The following GGNBP2 variants were observed in gnomAD, a reference collection of about 807,000 sequenced individuals.
GGNBP2 encodes gametogenetin-binding protein 2.
Under a neutral mutation model 85.9 loss-of-function variants are expected in GGNBP2, and 10 were observed. The ratio of observed to expected loss-of-function variants is 0.12; its 90% CI spans 0.07 to 0.20. The LOEUF is 0.20. GGNBP2 is among the 10% of genes least tolerant of loss of function. The pLI is 1.00. For synonymous variants in GGNBP2, 287 were observed against 285.7 expected, an observed-to-expected ratio of 1.00 and a Z score of -0.05; for missense variants, 595 against 857.8, an observed-to-expected ratio of 0.69 and a Z score of 3.83.
intron 4 of GGNBP2, among the ~76,000 whole-genome samples, chr17:36,558,294 A>T (rs1159216350): frequency 2.1e-5 from 3 of 143,980 alleles, no homozygotes; most frequent in Admixed American, 2.1e-4. Context: ...GGGTCCCTGT[A>T]ATCCCAGCTA....
At chr17:36,565,725 G>A (rs565025702) in intron 5 of GGNBP2, among the ~76,000 whole-genome samples, 12 of 152,144 alleles carry the variant, frequency 7.9e-5, no homozygotes, top group East Asian at 7.7e-4. Context: ...GCGAAACCCC[G>A]TCTCTACTAA....
At chr17:36,552,926 G>A (rs2074324428) in intron 2 of GGNBP2, among the ~76,000 whole-genome samples, 1 of 150,842 alleles carries the variant, frequency 6.6e-6, no homozygotes, top group Non-Finnish European at 1.5e-5. Flanking sequence ...GGAGGCTGAG[G>A]CAGGAGAATT....
At position 36,579,329 on chromosome 17, in the gene GGNBP2, G is replaced by A. The variant is rs757446298; in HGVS notation, c.930G>A (p.Leu310=). 13 of 1,614,146 alleles carry A rather than the reference G, an allele frequency of 8.1e-6. No homozygotes were observed. Among genetic ancestry groups the A allele is most frequent in the Admixed American group, 6.7e-5 (4 of 60,028 alleles). ...TGGGAATTCATCTTTATGAAAGACT[G>A]CATCGAATCTGGCAGAAGCTACGGG... ...TCLGIHLYER[L]HRIWQKLRAE... is the part of the protein sequence containing the mutation. The change falls in exon 8 of 14, where the codon CTG becomes CTA. Residue 310 remains leucine, a synonymous_variant. Coordinates refer to ENST00000613102, the MANE Select transcript of GGNBP2 (RefSeq NM_024835.5).
At chr17:36,558,448 A>G (rs924582366) in intron 4 of GGNBP2, among the ~76,000 whole-genome samples, 7 of 147,132 alleles carry the variant, frequency 4.8e-5, no homozygotes, top group African/African-American at 1.5e-4. Context: ...AGGTAATAAA[A>G]GGTCCAGTCA....
intron 8 of GGNBP2, among the ~76,000 whole-genome samples, chr17:36,580,452 G>A (rs575661924): frequency 4.6e-5 from 7 of 151,556 alleles, no homozygotes; most frequent in African/African-American, 1.4e-4. Flanking sequence ...CTCGTGATCC[G>A]CTGCCTGCCT....
chr17:36,563,127 G>T (rs919307875), intron 5 of GGNBP2, among the ~76,000 whole-genome samples: 3 of 151,610 alleles, frequency 2.0e-5, no homozygotes, highest in Non-Finnish European at 4.4e-5. Flanking sequence ...TTAGCCAGGC[G>T]TGGTGGCAGG....
intron 5 of GGNBP2, among the ~76,000 whole-genome samples, chr17:36,566,516 A>T (rs569026613): frequency 6.6e-6 from 1 of 151,954 alleles, no homozygotes; most frequent in East Asian, 1.9e-4. Context: ...AATACAAAAA[A>T]TAAAAAAATA....
rs2074243835 is a variant in GGNBP2 at position 36,545,600 on chromosome 17, C to T, written c.-106-19C>T. 1.4e-6 allele frequency: 1 copy of T among 699,750 alleles called. No individual in the cohort carries two copies. The highest frequency in any genetic ancestry group is 1.7e-5 in the South Asian group (1 of 57,396). The allele number at this position is 699,750 out of a possible 1,614,324, so 43.3% of individuals were successfully genotyped here. A position where few individuals can be genotyped will look rare whatever the true frequency, so the allele number is the denominator to read the frequency against. ...GCGCAGCGGCGGGTGCTTACGCTCG[C>T]GGGGTTTGGCTGTTGCAGGCAGGAG... On this transcript the variant is annotated intron_variant, in intron 1 of 13. Transcript: ENST00000613102.
chr17:36,584,484 C>T (rs1162393573), intron 9 of GGNBP2, among the ~76,000 whole-genome samples: 6 of 152,164 alleles, frequency 3.9e-5, no homozygotes, highest in African/African-American at 1.4e-4. Flanking sequence ...ATTACATGCG[C>T]CTGCCACCTT....
chr17:36,583,685 A>ACT (rs1439544941), intron 9 of GGNBP2, among the ~76,000 whole-genome samples: 1 of 150,456 alleles, frequency 6.6e-6, no homozygotes, highest in African/African-American at 2.4e-5. Context: ...CTGGTCTCGA[A>ACT]CTCCTGAGCT....
intron 2 of GGNBP2, among the ~76,000 whole-genome samples, chr17:36,550,153 G>T (rs573370509): frequency 9.9e-5 from 15 of 152,216 alleles, no homozygotes; most frequent in Admixed American, 5.2e-4. Context: ...GGCCAGGCTG[G>T]TCTCGAACTC....
chr17:36,556,952 C>G, intron 3 of GGNBP2, 131 bp from the exon 4 acceptor site: 1 of 993,736 alleles, frequency 1.0e-6, no homozygotes, highest in African/African-American at 1.6e-5. Context: ...CTTTCTGACT[C>G]AGTTGCAGGT....
chr17:36,546,140 C>T (rs1166908334), intron 2 of GGNBP2: 1 of 421,068 alleles, frequency 2.4e-6, no homozygotes, highest in African/African-American at 2.0e-5. Flanking sequence ...GGATCTTGGG[C>T]GTTTAGGGCC....
chr17:36,589,104 G>T, intron 13 of GGNBP2, 104 bp from the exon 14 acceptor site: 1 of 759,316 alleles, frequency 1.3e-6, no homozygotes. Flanking sequence ...TGTGACTGAT[G>T]TGAAACTAAA....
intron 4 of GGNBP2, among the ~76,000 whole-genome samples, chr17:36,560,499 C>T (rs1479145067): frequency 2.0e-5 from 3 of 152,202 alleles, no homozygotes; most frequent in Non-Finnish European, 2.9e-5. Context: ...GATCCTTTCA[C>T]CTCGGCCTCC....
chr17:36,560,210 A>C (rs1021874681), intron 4 of GGNBP2, among the ~76,000 whole-genome samples: 3 of 152,118 alleles, frequency 2.0e-5, no homozygotes, highest in African/African-American at 7.2e-5. Flanking sequence ...CTCTTACCTC[A>C]GCCTTCCAAA....
Position 36,587,202 on chromosome 17 carries a change from G to T in GGNBP2, c.1847G>T (p.Gly616Val), listed in dbSNP as rs1478976851. The T allele has an allele frequency of 6.2e-7, 1 of 1,614,120 alleles. No individual in the cohort carries two copies. The change falls in exon 13 of 14, where the codon GGT becomes GTT. Residue 616 changes from glycine (G) to valine (V), a missense_variant. Physicochemically the swap from Gly to Val is moderately radical, Grantham distance 109. Around this residue, in one of 9 missense-constraint regions of GGNBP2, gnomAD observed 120 missense variants for 126.3 expected, o/e 0.95. Coordinates refer to ENST00000613102, the MANE Select transcript of GGNBP2 (RefSeq NM_024835.5). Reference protein sequence around the residue: ...QFAEPTETLFGPDSGKGAKSL... With the variant: ...QFAEPTETLFVPDSGKGAKSL... ...GCAGAACCTACAGAAACGTTGTTTG[G>T]TCCCGATTCCGGAAAAGGTGCCAAG...
At chr17:36,551,229 C>T (rs1258963795) in intron 2 of GGNBP2, among the ~76,000 whole-genome samples, 2 of 149,756 alleles carry the variant, frequency 1.3e-5, no homozygotes, top group East Asian at 2.0e-4. Flanking sequence ...TTTTTGAGAC[C>T]GAGTTTTGCT....
intron 8 of GGNBP2, among the ~76,000 whole-genome samples, chr17:36,580,791 T>C (rs9903355): frequency 0.56 from 84,942 of 151,572 alleles, 24,126 homozygotes; most frequent in East Asian, 0.64. Flanking sequence ...TGGTGGCGCA[T>C]GCCTGTGGTC....
Sources: gnomAD v4.1 joint callset for allele counts (sites outside exome capture counted in the v4.1 genomes callset) on GRCh38, gnomAD v4.1.1 for gene constraint, gnomAD v4.1.1 regional missense constraint, MANE v1.5 for transcripts, NCBI Gene and HGNC (gene_info 2026-07-23, HGNC 2026-07-21) for gene names.